Variants in TRAPPC2L observed in about 807,000 individuals in gnomAD.
TRAPPC2L encodes the protein trafficking protein particle complex subunit 2-like protein.
A neutral mutation model predicts 13.2 loss-of-function variants in TRAPPC2L; 17 were observed. The observed-to-expected ratio is 1.29, with a 90% CI of 0.88 to 1.93. The LOEUF (loss-of-function observed/expected upper bound fraction) is 1.93, where lower values mean the gene tolerates loss of function less well. Ranked by LOEUF, TRAPPC2L falls within the 30% of genes most tolerant of loss-of-function variation. The pLI is 0.00. For synonymous variants in TRAPPC2L, 150 were observed against 98.1 expected, an observed-to-expected ratio of 1.53 and a Z score of -3.12; for missense variants, 359 against 252.1, an observed-to-expected ratio of 1.42 and a Z score of -2.87.
intron 1 of TRAPPC2L, among the ~76,000 whole-genome samples, chr16:88,857,940 G>T (rs550094554): frequency 1.3e-5 from 2 of 152,344 alleles, no homozygotes; most frequent in East Asian, 3.9e-4. Context: ...TCCCTGCTGG[G>T]CGGTGGCTGC....
At chr16:88,856,963 G>A (rs987323491), upstream of TRAPPC2L, 22 of 1,411,168 alleles carry the variant, frequency 1.6e-5, no homozygotes, top group East Asian at 6.2e-4. Context: ...GCGGGGCGGG[G>A]CCTGGACGGC....
At chr16:88,861,728 G>C (rs560155961) in exon 4 of TRAPPC2L, 1 of 460,374 alleles carries the variant, frequency 2.2e-6, no homozygotes, top group South Asian at 1.6e-5. Flanking sequence ...GGCTCAGCCC[G>C]CTGAGGGGAC....
chr16:88,856,918 C>A (rs12933564), upstream of TRAPPC2L: 1 of 1,486,834 alleles, frequency 6.7e-7, no homozygotes, highest in Non-Finnish European at 8.9e-7. Flanking sequence ...AGCGAGCCGA[C>A]CTAGCGAGCG....
chr16:88,856,401 G>A, upstream of TRAPPC2L: 2 of 701,660 alleles, frequency 2.9e-6, no homozygotes, highest in Non-Finnish European at 2.6e-6. Context: ...GTAGAGGGCG[G>A]GAAAGGTCAG....
chr16:88,860,665 C>T, exon 4 of TRAPPC2L: 2 of 600,246 alleles, frequency 3.3e-6, no homozygotes, highest in Non-Finnish European at 5.9e-6. Context: ...TCTGCCTGCC[C>T]ATGCTGCTCC....
At chr16:88,862,200 T>C (rs1968432417) in exon 4 of TRAPPC2L, 1 of 153,280 alleles carries the variant, frequency 6.5e-6, no homozygotes, top group Admixed American at 6.5e-5. Flanking sequence ...CCTGCCCGAG[T>C]CCTGGCTGTG....
At chr16:88,859,125 T>C (rs1968196866) in intron 2 of TRAPPC2L, 1 of 445,092 alleles carries the variant, frequency 2.2e-6, no homozygotes. Flanking sequence ...GAGCAGGGGA[T>C]AATAGTTTCA....
At chr16:88,856,578 G>A (rs1418615750), upstream of TRAPPC2L, 1 of 560,578 alleles carries the variant, frequency 1.8e-6, no homozygotes, top group Non-Finnish European at 3.2e-6. Context: ...CCCGCACGGG[G>A]ATACCCCCCG....
intron 1 of TRAPPC2L, among the ~76,000 whole-genome samples, chr16:88,857,955 A>G (rs1968077873): frequency 6.6e-6 from 1 of 152,102 alleles, no homozygotes; most frequent in South Asian, 2.1e-4. Flanking sequence ...GGCTGCTGCT[A>G]AGCTGCTCAT....
intron 1 of TRAPPC2L, 136 bp from the exon 2 acceptor site, chr16:88,858,483 G>A (rs1364725184): frequency 1.2e-6 from 1 of 869,340 alleles, no homozygotes; most frequent in East Asian, 2.5e-5. Flanking sequence ...GCGGCATAGA[G>A]AATGAAGCGG....
chr16:88,858,904 G>A, intron 2 of TRAPPC2L, 113 bp downstream of exon 2: 1 of 1,200,532 alleles, frequency 8.3e-7, no homozygotes, highest in Non-Finnish European at 1.1e-6. Context: ...TTTTTAGCCA[G>A]CCAGGGAATT....
At chr16:88,858,970 A>C in intron 2 of TRAPPC2L, 179 bp downstream of exon 2, 1 of 655,402 alleles carries the variant, frequency 1.5e-6, no homozygotes, top group South Asian at 2.1e-5. Context: ...TGGAAGAGCC[A>C]TTTGGGAAAA....
intron 2 of TRAPPC2L, chr16:88,859,323 C>G: frequency 1.5e-6 from 1 of 656,926 alleles, no homozygotes. Flanking sequence ...CCGCCTTGTT[C>G]ACGAAGCCTC....
At chr16:88,857,151 A>G (rs752293308) in exon 1 of TRAPPC2L, 2 of 1,582,332 alleles carry the variant, frequency 1.3e-6, no homozygotes, top group East Asian at 2.4e-5. Flanking sequence ...GCCTCCCAAG[A>G]TGGCGGTGTG....
upstream of TRAPPC2L, chr16:88,856,840 A>C (rs1203477070): frequency 4.0e-6 from 6 of 1,518,210 alleles, no homozygotes; most frequent in African/African-American, 7.2e-5. Context: ...CACCAGCAAC[A>C]GCTGCCACCA....
upstream of TRAPPC2L, chr16:88,857,062 C>T: frequency 1.4e-6 from 2 of 1,478,006 alleles, no homozygotes; most frequent in Non-Finnish European, 1.8e-6. Context: ...GGGGCCTGAG[C>T]CAGCTGTGTG....
chr16:88,859,585 C>G (rs747479332), intron 2 of TRAPPC2L, 78 bp from the exon 3 acceptor site: 1 of 1,377,518 alleles, frequency 7.3e-7, no homozygotes, highest in South Asian at 1.2e-5. Context: ...TGCCACATTT[C>G]TCCAAAGTGA....
At chr16:88,858,364 C>T (rs1348627421) in intron 1 of TRAPPC2L, among the ~76,000 whole-genome samples, 1 of 152,160 alleles carries the variant, frequency 6.6e-6, no homozygotes, top group Non-Finnish European at 1.5e-5. Flanking sequence ...TGCTCAGGCC[C>T]ATTTTTCTGA....
chr16:88,861,794 T>C (rs901467419), exon 4 of TRAPPC2L: 1 of 406,098 alleles, frequency 2.5e-6, no homozygotes, highest in African/African-American at 2.1e-5. Flanking sequence ...TCAAGGACCT[T>C]GAGGACCCCA....
Sources: allele counts gnomAD v4.1 joint callset (sites outside exome capture counted in the v4.1 genomes callset), GRCh38; gene constraint gnomAD v4.1.1; transcripts MANE v1.5; gene names NCBI Gene and HGNC (gene_info 2026-07-23, HGNC 2026-07-21).